CTNNA3: variants seen among roughly 807,000 people sequenced by gnomAD.
The protein encoded by CTNNA3 is catenin alpha 3.
Under a neutral mutation model 95.7 loss-of-function variants are expected in CTNNA3, and 76 were observed. The ratio of observed to expected loss-of-function variants is 0.79; its 90% CI spans 0.66 to 0.96. The LOEUF (loss-of-function observed/expected upper bound fraction) is 0.96, where lower values mean the gene tolerates loss of function less well. Among genes scored for constraint, CTNNA3 ranks in the 40% least tolerant of loss-of-function variants. CTNNA3 has a pLI of 0.00. For synonymous variants in CTNNA3, 431 were observed against 374.4 expected (o/e 1.15, Z -1.74); for missense variants, 1,191 against 1,089.8 (o/e 1.09, Z -1.31).
chr10:67,763,574 T>C (rs1290902815), exon 1 of CTNNA3, among the ~76,000 whole-genome samples: 2 of 152,200 alleles, frequency 1.3e-5, no homozygotes, highest in Non-Finnish European at 2.9e-5. Flanking sequence ...AGGCCTTCTG[T>C]TACTTTTCTC....
intron 16 of CTNNA3, among the ~76,000 whole-genome samples, chr10:65,975,770 G>T (rs2078198084): frequency 6.6e-6 from 1 of 152,014 alleles, no homozygotes; most frequent in Non-Finnish European, 1.5e-5. Flanking sequence ...GAGAGTAAAT[G>T]ATTTGAATTT....
At chr10:66,197,424 A>G (rs2087038469) in intron 13 of CTNNA3, among the ~76,000 whole-genome samples, 1 of 152,140 alleles carries the variant, frequency 6.6e-6, no homozygotes, top group South Asian at 2.1e-4. Flanking sequence ...TACATGCAAA[A>G]GAAATGATCA....
chr10:66,772,981 A>G (rs1466184405), intron 8 of CTNNA3, among the ~76,000 whole-genome samples: 2 of 151,734 alleles, frequency 1.3e-5, no homozygotes, highest in African/African-American at 4.9e-5. Context: ...TTCCTGTGAG[A>G]AGAACTATAT....
At chr10:66,199,539 C>T (rs1346789022) in intron 13 of CTNNA3, among the ~76,000 whole-genome samples, 1 of 151,126 alleles carries the variant, frequency 6.6e-6, no homozygotes, top group Non-Finnish European at 1.5e-5. Flanking sequence ...CATTTTATGA[C>T]ATAAAAACTA....
At chr10:66,391,297 T>C (rs1399077826) in intron 11 of CTNNA3, among the ~76,000 whole-genome samples, 1 of 152,066 alleles carries the variant, frequency 6.6e-6, no homozygotes, top group Non-Finnish European at 1.5e-5. Context: ...CACAATTCTA[T>C]AGAAGAACAC....
chr10:66,383,309 C>T (rs950648490), intron 11 of CTNNA3, among the ~76,000 whole-genome samples: 2 of 152,052 alleles, frequency 1.3e-5, no homozygotes, highest in Admixed American at 1.3e-4. Context: ...GCACAAGCTT[C>T]AATAGCAGAT....
chr10:67,721,535 C>G (rs1325158146), intron 1 of CTNNA3, among the ~76,000 whole-genome samples: 2 of 152,076 alleles, frequency 1.3e-5, no homozygotes, highest in African/African-American at 4.8e-5. Flanking sequence ...CTCTAAACTG[C>G]TTATTCTAGT....
At chr10:66,027,221 T>C (rs2079358504) in intron 15 of CTNNA3, among the ~76,000 whole-genome samples, 1 of 152,102 alleles carries the variant, frequency 6.6e-6, no homozygotes, top group African/African-American at 2.4e-5. Context: ...AACTTGCAAA[T>C]TGGAAGATAA....
intron 13 of CTNNA3, among the ~76,000 whole-genome samples, chr10:66,210,572 T>C (rs4746555): frequency 0.16 from 24,269 of 152,090 alleles, 2,342 homozygotes; most frequent in Admixed American, 0.25. Context: ...TTTTTTTCAA[T>C]TGATACATAA....
intron 10 of CTNNA3, 144 bp downstream of exon 10, chr10:66,621,548 C>T (rs541805146): frequency 2.8e-5 from 14 of 493,274 alleles, no homozygotes; most frequent in East Asian, 1.4e-4. Context: ...GTCGAGATTG[C>T]GCCACTGCAT....
At chr10:67,570,390 C>T (rs1158207816) in intron 3 of CTNNA3, among the ~76,000 whole-genome samples, 2 of 151,936 alleles carry the variant, frequency 1.3e-5, no homozygotes, top group African/African-American at 4.8e-5. Flanking sequence ...ACTTTTAGTT[C>T]TCATGTAAAG....
rs73270202 is a variant in CTNNA3 at position 67,663,379 on chromosome 10, G to A, written c.-5-15861C>T. ...TAAAGCTAGCTGAGGTTTTATTTTGGACCAAAAAAAAAAGCAATTGAATTG... is the reference window on the plus strand; with the variant it reads ...TAAAGCTAGCTGAGGTTTTATTTTGAACCAAAAAAAAAAGCAATTGAATTG... On this transcript the variant is annotated intron_variant, in intron 1 of 17. Transcript: ENST00000433211. Among the ~76,000 whole-genome samples the A allele has an allele frequency of 2.9e-3, 432 of 150,706 alleles. 1 individual carries two copies. The highest frequency in any genetic ancestry group is 7.7e-3 in the African/African-American group (316 of 41,044).
chr10:66,629,236 A>T (rs769842257), intron 9 of CTNNA3, among the ~76,000 whole-genome samples: 1 of 152,084 alleles, frequency 6.6e-6, no homozygotes, highest in Non-Finnish European at 1.5e-5. Flanking sequence ...GATGATGGTT[A>T]AACTAGTCTG....
At chr10:66,778,164 C>T (rs1840387659) in intron 7 of CTNNA3, among the ~76,000 whole-genome samples, 1 of 152,118 alleles carries the variant, frequency 6.6e-6, no homozygotes, top group Non-Finnish European at 1.5e-5. Flanking sequence ...ATCCCCTATC[C>T]CCAACCACAA....
At chr10:66,333,563 T>C (rs1357624642) in intron 12 of CTNNA3, among the ~76,000 whole-genome samples, 1 of 152,110 alleles carries the variant, frequency 6.6e-6, no homozygotes, top group Non-Finnish European at 1.5e-5. Flanking sequence ...TAATGCTGAG[T>C]TCGAGTTTGA....
At chr10:67,294,241 G>A (rs187296320) in intron 5 of CTNNA3, among the ~76,000 whole-genome samples, 134 of 152,236 alleles carry the variant, frequency 8.8e-4, no homozygotes, top group Non-Finnish European at 1.7e-3. Flanking sequence ...TGAGTATTTA[G>A]AGACCCAAAT....
intron 13 of CTNNA3, among the ~76,000 whole-genome samples, chr10:66,150,886 A>G (rs915255078): frequency 1.3e-5 from 2 of 152,080 alleles, no homozygotes; most frequent in Non-Finnish European, 2.9e-5. Context: ...ACAGTGTAGC[A>G]TTGTAAGTGT....
intron 6 of CTNNA3, among the ~76,000 whole-genome samples, chr10:67,217,982 T>A (rs1436104150): frequency 3.9e-5 from 6 of 152,170 alleles, no homozygotes; most frequent in African/African-American, 1.2e-4. Flanking sequence ...ATTTTTAAAA[T>A]GTTGTATAAA....
intron 5 of CTNNA3, among the ~76,000 whole-genome samples, chr10:67,512,190 A>ATAGG (rs1839658460): frequency 6.6e-6 from 1 of 152,198 alleles, no homozygotes; most frequent in African/African-American, 2.4e-5. Flanking sequence ...CTCACACTTG[A>ATAGG]TAGGATAGCT....
Sources: gnomAD v4.1 joint callset for allele counts (sites outside exome capture counted in the v4.1 genomes callset) on GRCh38, gnomAD v4.1.1 for gene constraint, MANE v1.5 for transcripts, NCBI Gene and HGNC (gene_info 2026-07-23, HGNC 2026-07-21) for gene names.